The following ASAP1 variants were observed in gnomAD, a reference collection of about 807,000 sequenced individuals.
ASAP1 encodes ArfGAP with SH3 domain, ankyrin repeat and PH domain 1, also known as arf-GAP with SH3 domain, ANK repeat and PH domain-containing protein 1.
Under a neutral mutation model 145.2 loss-of-function variants are expected in ASAP1, and 43 were observed. The observed-to-expected ratio is 0.30, with a 90% CI of 0.23 to 0.38. The LOEUF is 0.38. Ranked by LOEUF, ASAP1 falls within the 10% of genes least tolerant of loss-of-function variation. The probability of loss-of-function intolerance (pLI) is 1.00; values close to 1 mark genes in which losing one functional copy is unlikely to be tolerated. For missense variants in ASAP1, 1,018 were observed against 1,355.3 expected (o/e 0.75, Z 3.91); for synonymous variants, 546 against 515.5 (o/e 1.06, Z -0.80).
At chr8:130,352,806 G>A (rs1826079487) in intron 3 of ASAP1, among the ~76,000 whole-genome samples, 1 of 152,200 alleles carries the variant, frequency 6.6e-6, no homozygotes, top group African/African-American at 2.4e-5. Flanking sequence ...GATAGAGCTT[G>A]ATACTGAATC....
chr8:130,126,153 A>G, intron 16 of ASAP1, 64 bp from the exon 17 acceptor site: 1 of 1,469,346 alleles, frequency 6.8e-7, no homozygotes, highest in Non-Finnish European at 9.3e-7. Context: ...TGCCAACTAC[A>G]GAGGAAGCTA....
chr8:130,152,970 G>C (rs907201769), intron 12 of ASAP1, among the ~76,000 whole-genome samples, 165 bp from the exon 13 acceptor site: 1 of 151,936 alleles, frequency 6.6e-6, no homozygotes, highest in Non-Finnish European at 1.5e-5. Context: ...CAGGTGGAAG[G>C]TAATTCACAC....
intron 1 of ASAP1, among the ~76,000 whole-genome samples, chr8:130,409,858 A>G (rs1268109674): frequency 6.6e-6 from 1 of 152,160 alleles, no homozygotes; most frequent in African/African-American, 2.4e-5. Context: ...CTTATAGCCT[A>G]CTCTGAGTAT....
chr8:130,060,435 C>T (rs948580790), intron 28 of ASAP1, 144 bp downstream of exon 28: 19 of 1,170,538 alleles, frequency 1.6e-5, no homozygotes, highest in Admixed American at 5.1e-5. Context: ...AGGCTCTAAT[C>T]CACCATCATG....
At chr8:130,137,390 T>C (rs1056099680) in intron 13 of ASAP1, among the ~76,000 whole-genome samples, 5 of 152,176 alleles carry the variant, frequency 3.3e-5, no homozygotes, top group Non-Finnish European at 7.4e-5. Flanking sequence ...AATAAAAAAA[T>C]AATCCACCTC....
intron 26 of ASAP1, among the ~76,000 whole-genome samples, chr8:130,079,451 T>A (rs1335375638): frequency 6.6e-6 from 1 of 152,120 alleles, no homozygotes; most frequent in Admixed American, 6.5e-5. Context: ...AAACAGAACT[T>A]GAAAGAGTGC....
intron 3 of ASAP1, among the ~76,000 whole-genome samples, chr8:130,294,696 A>G (rs1362468836): frequency 6.6e-6 from 1 of 152,242 alleles, no homozygotes; most frequent in African/African-American, 2.4e-5. Context: ...CAAGAGTCAC[A>G]AGTCTTTCTC....
chr8:130,100,548 C>T (rs1025293651), intron 24 of ASAP1, among the ~76,000 whole-genome samples: 4 of 152,052 alleles, frequency 2.6e-5, no homozygotes, highest in Non-Finnish European at 5.9e-5. Flanking sequence ...AGGCTGGTCT[C>T]GAAGCCCTGA....
intron 25 of ASAP1, chr8:130,082,607 G>T (rs999457418): frequency 6.7e-6 from 1 of 149,726 alleles, no homozygotes; most frequent in Non-Finnish European, 1.5e-5. Flanking sequence ...GGGCTCAAAT[G>T]ATCCTCCCGC....
intron 27 of ASAP1, among the ~76,000 whole-genome samples, chr8:130,068,707 T>C (rs1307520385): frequency 6.6e-6 from 1 of 152,206 alleles, no homozygotes; most frequent in Non-Finnish European, 1.5e-5. Flanking sequence ...GTAAGGTCTG[T>C]TCACCCTGAG....
chr8:130,276,726 A>ACTCTCTCTCTCTCTCT (rs1486127973), intron 3 of ASAP1, among the ~76,000 whole-genome samples: 5 of 91,838 alleles, frequency 5.4e-5, no homozygotes, highest in African/African-American at 7.2e-5. Flanking sequence ...ACACACACAC[A>ACTCTCTCTCTCTCTCT]CACTCTCTCT....
chr8:130,361,967 GTCC>G (rs1443231398), intron 2 of ASAP1, among the ~76,000 whole-genome samples: 1 of 152,106 alleles, frequency 6.6e-6, no homozygotes, highest in Non-Finnish European at 1.5e-5. Flanking sequence ...CAGCACTCTT[GTCC>G]TCCTCATGCC....
At chr8:130,119,729 GATT>G (rs1393084078) in intron 18 of ASAP1, among the ~76,000 whole-genome samples, 1 of 151,614 alleles carries the variant, frequency 6.6e-6, no homozygotes, top group Non-Finnish European at 1.5e-5. Context: ...ATGAACTTTG[GATT>G]AAATCTTTTA....
At chr8:130,333,329 C>T (rs1015867591) in intron 3 of ASAP1, among the ~76,000 whole-genome samples, 6 of 152,020 alleles carry the variant, frequency 3.9e-5, no homozygotes, top group Non-Finnish European at 5.9e-5. Flanking sequence ...TGGCTGGGCG[C>T]GGTGGCTCAC....
intron 16 of ASAP1, among the ~76,000 whole-genome samples, chr8:130,126,342 CA>C (rs1374518040): frequency 6.6e-6 from 1 of 152,182 alleles, no homozygotes; most frequent in Non-Finnish European, 1.5e-5. Flanking sequence ...AGACCCTATG[CA>C]ACACCTCTAG....
chr8:130,342,768 G>T (rs1361415322), intron 3 of ASAP1, among the ~76,000 whole-genome samples: 1 of 152,096 alleles, frequency 6.6e-6, no homozygotes, highest in Non-Finnish European at 1.5e-5. Flanking sequence ...AGTTAAAGTT[G>T]CTTTTGGCAC....
At chr8:130,149,634 T>C (rs1255761694) in intron 13 of ASAP1, among the ~76,000 whole-genome samples, 3 of 152,296 alleles carry the variant, frequency 2.0e-5, no homozygotes, top group Non-Finnish European at 4.4e-5. Flanking sequence ...ACCAAAGAAT[T>C]TCCATGTGTC....
chr8:130,106,851 C>T (rs2097537598), intron 24 of ASAP1, among the ~76,000 whole-genome samples: 2 of 152,196 alleles, frequency 1.3e-5, no homozygotes, highest in Non-Finnish European at 2.9e-5. Flanking sequence ...TCCCTAGTGG[C>T]CCCAGGGGCA....
intron 2 of ASAP1, chr8:130,361,236 TC>T (rs1054777156): frequency 5.2e-5 from 10 of 192,448 alleles, no homozygotes; most frequent in Non-Finnish European, 6.5e-5. Flanking sequence ...TTGCCTCAAT[TC>T]CAAGAGGCCC....
Sources: gnomAD v4.1 joint callset for allele counts (sites outside exome capture counted in the v4.1 genomes callset) on GRCh38, gnomAD v4.1.1 for gene constraint, MANE v1.5 for transcripts, NCBI Gene and HGNC (gene_info 2026-07-23, HGNC 2026-07-21) for gene names.